Variants in ARHGEF10 observed in about 807,000 individuals in gnomAD.
The protein encoded by ARHGEF10 is Rho guanine nucleotide exchange factor (GEF) 10.
A neutral mutation model predicts 147.4 loss-of-function variants in ARHGEF10; 140 were observed. The observed-to-expected ratio is 0.95, with a 90% confidence interval of 0.83 to 1.09. ARHGEF10 has a LOEUF of 1.09. ARHGEF10 is among the 50% of genes least tolerant of loss of function. ARHGEF10 has a pLI of 0.00. For synonymous variants in ARHGEF10, 902 were observed against 695.8 expected (o/e 1.30, Z -4.67); for missense variants, 2,222 against 1,752.7 (o/e 1.27, Z -4.78).
At chr8:1,850,887 C>T (rs1000580432) in intron 2 of ARHGEF10, among the ~76,000 whole-genome samples, 5 of 152,236 alleles carry the variant, frequency 3.3e-5, no homozygotes, top group South Asian at 2.1e-4. Context: ...AGCTGCCAAG[C>T]CGTGAAAAGA....
intron 2 of ARHGEF10, among the ~76,000 whole-genome samples, chr8:1,851,735 C>A (rs1039301090): frequency 9.9e-5 from 15 of 151,934 alleles, no homozygotes; most frequent in Non-Finnish European, 2.2e-4. Flanking sequence ...CAACATAGTG[C>A]CACCTCGTCT....
intron 18 of ARHGEF10, among the ~76,000 whole-genome samples, chr8:1,917,145 G>C (rs1449560072): frequency 2.0e-5 from 3 of 152,202 alleles, no homozygotes; most frequent in Admixed American, 1.3e-4. Context: ...AATTTCCTTA[G>C]AAGTGGAATT....
chr8:1,956,902 G>GT lies in ARHGEF10; in HGVS notation c.3675dup (p.Gly1226TrpfsTer11). The GT allele has an allele frequency of 6.2e-7, 1 of 1,614,106 alleles. No individual in the cohort carries two copies. Among genetic ancestry groups the GT allele is most frequent in the Non-Finnish European group, 8.5e-7 (1 of 1,179,994 alleles). On this transcript the variant is annotated frameshift_variant, in exon 29 of 29. Coordinates refer to ENST00000349830, the MANE Select transcript of ARHGEF10 (RefSeq NM_014629.4). LOFTEE classifies it low-confidence loss of function (END_TRUNC). Reference sequence around the variant, plus strand: ...GAAGACCAGAAGGACGCACTTCCGAGTGGAGGAGCTGGTTCATCTCTGAGC... The same window carrying GT: ...GAAGACCAGAAGGACGCACTTCCGAGTTGGAGGAGCTGGTTCATCTCTGAGC...
chr8:1,849,588 C>CAT (rs1804852253), intron 2 of ARHGEF10, among the ~76,000 whole-genome samples: 1 of 128,614 alleles, frequency 7.8e-6, no homozygotes, highest in African/African-American at 3.1e-5. Flanking sequence ...GGGCCAGCTG[C>CAT]GTGGACACAG....
intron 11 of ARHGEF10, among the ~76,000 whole-genome samples, chr8:1,886,675 TGCTCTGTGCAG>T (rs201207079): frequency 0.031 from 4,719 of 152,274 alleles, 122 homozygotes; most frequent in Non-Finnish European, 0.051. Flanking sequence ...TGGGTGTGCA[TGCTCTGTGCAG>T]GCCCCGTGCC....
At chr8:1,928,777 AC>A in intron 24 of ARHGEF10, 127 bp downstream of exon 24, 1 of 1,052,700 alleles carries the variant, frequency 9.5e-7, no homozygotes, top group Non-Finnish European at 1.4e-6. Context: ...ATTAGGGGAT[AC>A]CAGGGGAAAT....
intron 18 of ARHGEF10, among the ~76,000 whole-genome samples, chr8:1,916,769 T>C (rs1249696816): frequency 6.6e-6 from 1 of 152,224 alleles, no homozygotes; most frequent in African/African-American, 2.4e-5. Context: ...AAAATTACCC[T>C]CTTTCTCCTG....
At chr8:1,894,953 C>G (rs1166336665) in intron 13 of ARHGEF10, among the ~76,000 whole-genome samples, 2 of 152,200 alleles carry the variant, frequency 1.3e-5, no homozygotes, top group Admixed American at 1.3e-4. Context: ...CACACAGGTT[C>G]TCTTCCTGAT....
In ARHGEF10 at chr8:1,937,391, C is replaced by T. The variant is rs1362397707; in HGVS notation, c.3222+3449C>T. Among the ~76,000 whole-genome samples, 6 of 152,246 alleles carry T rather than the reference C, an allele frequency of 3.9e-5. No individual in the cohort carries two copies. The highest frequency in any genetic ancestry group is 4.2e-4 in the South Asian group (2 of 4,816). ...AGAGGGAGCTCAGCCATATAGTATA[C>T]GGTGATCTTGGATCAGCCGCCTACC... is the stretch of plus-strand genomic sequence containing the variant. On this transcript the variant is annotated intron_variant, in intron 26 of 28. Transcript: ENST00000349830. The surrounding 1 kb of genome is among the most constrained non-coding windows in gnomAD (Gnocchi z 4.9).
intron 18 of ARHGEF10, among the ~76,000 whole-genome samples, chr8:1,917,331 A>T (rs908822229): frequency 3.3e-5 from 5 of 152,166 alleles, no homozygotes; most frequent in Non-Finnish European, 7.3e-5. Flanking sequence ...CATTTGCCTT[A>T]ATTTAAGTTA....
At chr8:1,889,220 G>GGTGAGGGTGGTGTGAGATACTTAGTGGT in intron 11 of ARHGEF10, among the ~76,000 whole-genome samples, 1 of 90,040 alleles carries the variant, frequency 1.1e-5, no homozygotes, top group Non-Finnish European at 2.0e-5. Flanking sequence ...CACTGAATGG[G>GGTGAGGGTGGTGTGAGATACTTAGTGGT]GTGAGGGTTG....
At chr8:1,824,760 C>T (rs1317444050) in intron 1 of ARHGEF10, among the ~76,000 whole-genome samples, 1 of 88,646 alleles carries the variant, frequency 1.1e-5, no homozygotes, top group African/African-American at 4.9e-5. Flanking sequence ...TCCCCCCGCA[C>T]CCTACCTGTT....
At chr8:1,834,598 C>T (rs1803470084) in intron 1 of ARHGEF10, among the ~76,000 whole-genome samples, 2 of 152,194 alleles carry the variant, frequency 1.3e-5, no homozygotes, top group Admixed American at 1.3e-4. Context: ...TCTGTCCGTC[C>T]ATCCATCCCC....
chr8:1,872,231 A>G (rs1807185531), intron 7 of ARHGEF10, among the ~76,000 whole-genome samples: 1 of 152,214 alleles, frequency 6.6e-6, no homozygotes, highest in African/African-American at 2.4e-5. Context: ...AATAAAAACC[A>G]TGAATAAACC....
intron 1 of ARHGEF10, among the ~76,000 whole-genome samples, chr8:1,824,745 G>A (rs1214329396): frequency 3.8e-4 from 14 of 36,428 alleles, no homozygotes; most frequent in African/African-American, 1.3e-3. Flanking sequence ...CCCGCACCCC[G>A]CCTGTCCCCC....
At chr8:1,883,785 C>T (rs1585384534) in intron 10 of ARHGEF10, among the ~76,000 whole-genome samples, 1 of 152,172 alleles carries the variant, frequency 6.6e-6, no homozygotes, top group East Asian at 1.9e-4. Flanking sequence ...TATTACACAG[C>T]CCCTGGAAAG....
chr8:1,956,630 A>T, intron 28 of ARHGEF10, 119 bp from the exon 29 acceptor site: 1 of 1,035,806 alleles, frequency 9.7e-7, no homozygotes, highest in Non-Finnish European at 1.5e-6. Context: ...CAAGTTACTT[A>T]CAGGCTTTGT....
At chr8:1,840,789 A>G (rs1803971287) in intron 1 of ARHGEF10, among the ~76,000 whole-genome samples, 1 of 152,172 alleles carries the variant, frequency 6.6e-6, no homozygotes, top group African/African-American at 2.4e-5. Flanking sequence ...TTTCCCTCCA[A>G]GGATAACATC....
intron 11 of ARHGEF10, among the ~76,000 whole-genome samples, chr8:1,887,244 T>C (rs1410124591): frequency 6.6e-6 from 1 of 152,166 alleles, no homozygotes; most frequent in Non-Finnish European, 1.5e-5. Flanking sequence ...ACAGGGGAAA[T>C]GCTTCCTAGC....
Sources: allele counts gnomAD v4.1 joint callset (sites outside exome capture counted in the v4.1 genomes callset), GRCh38; gene constraint gnomAD v4.1.1; non-coding constraint Gnocchi (gnomAD v3.1); transcripts MANE v1.5; gene names NCBI Gene and HGNC (gene_info 2026-07-23, HGNC 2026-07-21).